TCF12: variants seen among roughly 807,000 people sequenced by gnomAD.
The protein encoded by TCF12 is DNA-binding protein HTF4.
TCF12 carries 45 observed loss-of-function variants against 86.0 expected under a neutral mutation model. That is an observed-to-expected ratio of 0.52 (90% CI 0.41 to 0.67). TCF12 has a LOEUF of 0.67. Among genes scored for constraint, TCF12 ranks in the 30% least tolerant of loss-of-function variants. The pLI, the probability that TCF12 is intolerant of heterozygous loss-of-function variation, is 0.00. For synonymous variants in TCF12, 330 were observed against 299.6 expected, an observed-to-expected ratio of 1.10 and a Z score of -1.05; for missense variants, 881 against 859.9, an observed-to-expected ratio of 1.02 and a Z score of -0.31.
intron 8 of TCF12, among the ~76,000 whole-genome samples, chr15:57,223,274 C>T (rs1262779167): frequency 6.6e-6 from 1 of 152,008 alleles, no homozygotes; most frequent in Non-Finnish European, 1.5e-5. Flanking sequence ...CATCCAAGGA[C>T]ATGTAAATTA....
chr15:57,275,759 A>C (rs1445812213), intron 19 of TCF12, among the ~76,000 whole-genome samples: 1 of 152,054 alleles, frequency 6.6e-6, no homozygotes, highest in African/African-American at 2.4e-5. Context: ...ATTTGGGATG[A>C]TGCTGCAAGA....
intron 5 of TCF12, among the ~76,000 whole-genome samples, chr15:57,112,718 TG>T (rs2050577456): frequency 6.6e-6 from 1 of 152,200 alleles, no homozygotes; most frequent in African/African-American, 2.4e-5. Context: ...GTACCTTTTA[TG>T]TGCTAAACAC....
chr15:57,273,382 G>T lies in TCF12; in HGVS notation c.1978+120G>T, dbSNP rs1181738866. On this transcript the variant is annotated intron_variant, in intron 19 of 20. Transcript: ENST00000333725. ...TATTTCTCCCAGTACTTCTTCTACT[G>T]TATCATCAGGGTCGTTTTTCCTGTA... The T allele has an allele frequency of 4.0e-6, 4 of 1,008,316 alleles. No individual in the cohort carries two copies. The East Asian group carries it at 1.0e-4, about 26-fold the overall frequency. The allele number at this position is 1,008,316 out of a possible 1,614,324, so 62.5% of individuals were successfully genotyped here. A position where few individuals can be genotyped will look rare whatever the true frequency, so the allele number is the denominator to read the frequency against.
At chr15:57,005,911 A>G (rs1012784320) in intron 3 of TCF12, among the ~76,000 whole-genome samples, 2 of 151,992 alleles carry the variant, frequency 1.3e-5, no homozygotes, top group African/African-American at 4.8e-5. Context: ...TAAGCTTTTT[A>G]TTTTCCAGGT....
chr15:57,211,047 T>C (rs1040936052), intron 8 of TCF12, among the ~76,000 whole-genome samples: 2 of 152,190 alleles, frequency 1.3e-5, no homozygotes, highest in South Asian at 2.1e-4. Flanking sequence ...CTGGAGGAGA[T>C]TGTATATTAT....
At chr15:56,952,630 T>G (rs1372797627) in intron 3 of TCF12, among the ~76,000 whole-genome samples, 3 of 152,174 alleles carry the variant, frequency 2.0e-5, no homozygotes, top group Non-Finnish European at 4.4e-5. Flanking sequence ...TGTTTCATAC[T>G]TGATACTGTT....
At chr15:57,026,976 T>C (rs1383678439) in intron 3 of TCF12, among the ~76,000 whole-genome samples, 1 of 152,202 alleles carries the variant, frequency 6.6e-6, no homozygotes, top group Non-Finnish European at 1.5e-5. Context: ...ATTTGTATTA[T>C]TTTTTATTTT....
At chr15:57,268,607 G>A (rs1471921050) in intron 18 of TCF12, among the ~76,000 whole-genome samples, 6 of 152,102 alleles carry the variant, frequency 3.9e-5, no homozygotes, top group Admixed American at 1.3e-4. Context: ...AGGTAAAAAT[G>A]TCTAATATTT....
At chr15:57,263,509 T>A (rs2152061902) in intron 18 of TCF12, among the ~76,000 whole-genome samples, 1 of 152,312 alleles carries the variant, frequency 6.6e-6, no homozygotes, top group South Asian at 2.1e-4. Flanking sequence ...GGACTATATA[T>A]AAAATATAAT....
At chr15:57,198,415 C>T (rs752363992) in intron 8 of TCF12, among the ~76,000 whole-genome samples, 1 of 152,060 alleles carries the variant, frequency 6.6e-6, no homozygotes, top group Non-Finnish European at 1.5e-5. Context: ...TTTGTTGATC[C>T]CTCTTTGCTC....
At chr15:57,261,390 A>G (rs1447951045) in intron 16 of TCF12, among the ~76,000 whole-genome samples, 1 of 152,124 alleles carries the variant, frequency 6.6e-6, no homozygotes, top group Admixed American at 6.5e-5. Context: ...ATAAACTTGC[A>G]TAGGGGTATT....
At chr15:57,149,163 GAGAC>G (rs762724647) in intron 5 of TCF12, among the ~76,000 whole-genome samples, 7 of 152,188 alleles carry the variant, frequency 4.6e-5, no homozygotes, top group Non-Finnish European at 1.0e-4. Context: ...TGCATAGTGA[GAGAC>G]AGACCTCTAA....
intron 5 of TCF12, among the ~76,000 whole-genome samples, chr15:57,157,918 C>G (rs2151492168): frequency 1.3e-5 from 2 of 152,116 alleles, no homozygotes; most frequent in African/African-American, 4.8e-5. Context: ...GTAATTCTTC[C>G]CCGTTCATTC....
intron 3 of TCF12, among the ~76,000 whole-genome samples, chr15:56,955,571 TAAAAA>T (rs1281886390): frequency 1.3e-5 from 2 of 151,696 alleles, no homozygotes; most frequent in Non-Finnish European, 2.9e-5. Context: ...TAAATAAAAA[TAAAAA>T]AAAGCATTTG....
intron 19 of TCF12, among the ~76,000 whole-genome samples, chr15:57,276,499 T>C (rs905660516): frequency 1.3e-5 from 2 of 152,226 alleles, no homozygotes; most frequent in Non-Finnish European, 2.9e-5. Context: ...TACTTATTTG[T>C]TTCTAAGTAC....
intron 3 of TCF12, among the ~76,000 whole-genome samples, chr15:57,035,783 T>C (rs2066469566): frequency 6.6e-6 from 1 of 152,078 alleles, no homozygotes; most frequent in Non-Finnish European, 1.5e-5. Context: ...CAGGATCAGA[T>C]TGTGAGAAGC....
Position 57,253,374 on chromosome 15 carries a change from G to A in TCF12, c.1373G>A (p.Ser458Asn), listed in dbSNP as rs752883564. The A allele has an allele frequency of 2.5e-6, 4 of 1,614,014 alleles. No individual in the cohort carries two copies. The South Asian group carries it at 4.4e-5, about 18-fold the overall frequency. Residue 458 changes from serine to asparagine, a missense_variant, in exon 16 of 21, where the codon AGT (serine) becomes AAT (asparagine). Ser to Asn is a conservative substitution (Grantham distance 46). This residue lies in a region of TCF12 where 766 missense variants were observed against 718.9 expected (regional missense o/e 1.07). Coordinates refer to ENST00000333725, the MANE Select transcript of TCF12 (RefSeq NM_207037.2). The part of the protein sequence containing the change: ...SLPAGHSDIH[S>N]LLGPSHNAPI... ...CCTGCTGGTCACAGTGATATACATA[G>A]TTTATTGGGACCATCCCATAATGCA...
At chr15:57,259,318 T>C (rs1038423524) in intron 16 of TCF12, among the ~76,000 whole-genome samples, 9 of 152,216 alleles carry the variant, frequency 5.9e-5, no homozygotes, top group Admixed American at 1.3e-4. Flanking sequence ...GTAAAGATCC[T>C]TTAAGCAATC....
intron 5 of TCF12, 127 bp downstream of exon 5, chr15:57,092,018 A>G: frequency 1.5e-6 from 1 of 665,864 alleles, no homozygotes; most frequent in Non-Finnish European, 2.5e-6. Context: ...AGGGGCATCT[A>G]GGGCTTTTCT....
Sources: gnomAD v4.1 joint callset for allele counts (sites outside exome capture counted in the v4.1 genomes callset) on GRCh38, gnomAD v4.1.1 for gene constraint, gnomAD v4.1.1 regional missense constraint, MANE v1.5 for transcripts, NCBI Gene and HGNC (gene_info 2026-07-23, HGNC 2026-07-21) for gene names.